Variants in FILIP1 observed in about 807,000 individuals in gnomAD.
FILIP1 encodes filamin A interacting protein 1.
FILIP1 carries 61 observed loss-of-function variants against 102.1 expected under a neutral mutation model. That is an observed-to-expected ratio of 0.60 (90% confidence interval 0.49 to 0.74). The LOEUF (loss-of-function observed/expected upper bound fraction) is 0.74, where lower values mean the gene tolerates loss of function less well. Ranked by LOEUF, FILIP1 falls within the 30% of genes least tolerant of loss-of-function variation. FILIP1 has a pLI of 0.00. For missense variants in FILIP1, 1,314 were observed against 1,441.2 expected (o/e 0.91, Z 1.43); for synonymous variants, 491 against 526.9 (o/e 0.93, Z 0.93).
chr6:75,302,973 A>G (rs1772884625), intron 6 of FILIP1, among the ~76,000 whole-genome samples: 1 of 152,162 alleles, frequency 6.6e-6, no homozygotes, highest in African/African-American at 2.4e-5. Flanking sequence ...AGAGTAACCC[A>G]AATGAAAAGT....
chr6:75,385,542 T>A (rs987730647), intron 2 of FILIP1: 1 of 152,196 alleles, frequency 6.6e-6, no homozygotes, highest in Non-Finnish European at 1.5e-5. Context: ...ACTTAAAATA[T>A]CTGATGCAAT....
intron 2 of FILIP1, among the ~76,000 whole-genome samples, chr6:75,388,189 T>C (rs1256502815): frequency 2.0e-5 from 3 of 152,128 alleles, no homozygotes; most frequent in Non-Finnish European, 4.4e-5. Context: ...GATCAGGTGG[T>C]TGTAGATGTG....
At chr6:75,475,678 T>C (rs1389309059) in intron 1 of FILIP1, among the ~76,000 whole-genome samples, 1 of 152,132 alleles carries the variant, frequency 6.6e-6, no homozygotes. Context: ...AAAAATTATT[T>C]TATGAGCCTC....
intron 2 of FILIP1, among the ~76,000 whole-genome samples, chr6:75,381,209 T>A (rs1278321281): frequency 1.3e-5 from 2 of 151,974 alleles, no homozygotes; most frequent in Non-Finnish European, 2.9e-5. Flanking sequence ...TATATCAGAC[T>A]GGTTTTACTT....
chr6:75,325,775 C>T (rs1773828055), intron 4 of FILIP1, among the ~76,000 whole-genome samples: 2 of 152,150 alleles, frequency 1.3e-5, no homozygotes, highest in Non-Finnish European at 1.5e-5. Context: ...AAAGGGATCA[C>T]ATCATGTGTG....
intron 1 of FILIP1, among the ~76,000 whole-genome samples, chr6:75,456,554 T>G (rs1486306196): frequency 2.0e-5 from 3 of 151,538 alleles, no homozygotes; most frequent in Admixed American, 2.0e-4. Context: ...AAGAGTATTC[T>G]TTTTTCTTTT....
chr6:75,379,954 C>G (rs1336859799), intron 2 of FILIP1, among the ~76,000 whole-genome samples: 1 of 152,198 alleles, frequency 6.6e-6, no homozygotes, highest in Non-Finnish European at 1.5e-5. Flanking sequence ...GTCTCCTCCT[C>G]TAGAATGTAA....
chr6:75,479,492 TTAAA>T (rs1053821542), intron 1 of FILIP1, among the ~76,000 whole-genome samples: 27 of 152,326 alleles, frequency 1.8e-4, no homozygotes, highest in Admixed American at 7.8e-4. Flanking sequence ...ATCAGTAAGG[TTAAA>T]TAGTTTTTCA....
At chr6:75,386,558 T>C (rs991312139) in intron 2 of FILIP1, among the ~76,000 whole-genome samples, 1 of 152,110 alleles carries the variant, frequency 6.6e-6, no homozygotes, top group Admixed American at 6.6e-5. Context: ...GTTTTGGAGA[T>C]AGTGTCACAT....
chr6:75,482,611 C>T (rs75481757), intron 1 of FILIP1, among the ~76,000 whole-genome samples: 1,541 of 152,286 alleles, frequency 0.01, 30 homozygotes, highest in African/African-American at 0.035. Flanking sequence ...AAGTCCAGCT[C>T]CCACTTAGTT....
chr6:75,424,966 A>G (rs1232996365), intron 1 of FILIP1, among the ~76,000 whole-genome samples: 1 of 152,192 alleles, frequency 6.6e-6, no homozygotes, highest in Admixed American at 6.6e-5. Flanking sequence ...AACATAAAAG[A>G]ATAACTTAAA....
At chr6:75,345,203 AT>A (rs1393753297) in intron 4 of FILIP1, among the ~76,000 whole-genome samples, 9 of 151,948 alleles carry the variant, frequency 5.9e-5, no homozygotes, top group South Asian at 2.1e-4. Context: ...CCCTTTCAAC[AT>A]TTTTTTTCTT....
rs768502815 is a variant in FILIP1, at chr6:75,314,102, C to T, written c.1730G>A (p.Gly577Asp). ...NLTRERDELI[G>D]KLKSEEEKSS... Reference sequence around the variant, plus strand: ...TTTTTCTTCTTCACTTTTCAATTTGCCTATCAACTCATCTCTTTCTCTTGT... The same window carrying T: ...TTTTTCTTCTTCACTTTTCAATTTGTCTATCAACTCATCTCTTTCTCTTGT... The change falls in exon 5 of 6, where the codon GGC becomes GAC. Residue 577 changes from glycine (G) to aspartate (D), a missense_variant. This residue lies in a region of FILIP1 where 816 missense variants were observed against 913.1 expected (regional missense o/e 0.89). Transcript: ENST00000237172. 1.3e-6 allele frequency: 2 copies of T among 1,505,312 alleles called. No homozygotes were observed. Among genetic ancestry groups the T allele is most frequent in the African/African-American group, 1.4e-5 (1 of 70,186 alleles). 93.2% of individuals were successfully genotyped at this position (1,505,312 alleles called of 1,614,324 possible). A position where few individuals can be genotyped will look rare whatever the true frequency, so the allele number is the denominator to read the frequency against.
chr6:75,348,877 ATAT>A (rs1774685781), intron 4 of FILIP1, among the ~76,000 whole-genome samples: 1 of 152,182 alleles, frequency 6.6e-6, no homozygotes, highest in African/African-American at 2.4e-5. Flanking sequence ...GCTGGTCCTA[ATAT>A]CTCTGTGCTT....
At position 75,436,399 on chromosome 6, in the gene FILIP1, A is replaced by G. The variant is rs140623718; in HGVS notation, c.-6-21421T>C. On this transcript the variant is annotated intron_variant, in intron 1 of 5. Transcript: ENST00000237172. The stretch of plus-strand genomic sequence containing the variant: ...AAAAAAAAGAAGACACTTCTGCAAA[A>G]AGCTTCCATTGTAAAACTGTATGCA... 6.6e-5 allele frequency among the ~76,000 whole-genome samples: 10 copies of G among 152,178 alleles called. No homozygotes were observed. The East Asian group carries it at 1.9e-3, about 29-fold the overall frequency.
chr6:75,325,412 ACT>A (rs1315517326), intron 4 of FILIP1, among the ~76,000 whole-genome samples: 1 of 152,194 alleles, frequency 6.6e-6, no homozygotes, highest in Non-Finnish European at 1.5e-5. Context: ...ACAGAGCGAG[ACT>A]CTGTCTCAAA....
chr6:75,473,869 A>G (rs1015431937), intron 1 of FILIP1: 1 of 152,186 alleles, frequency 6.6e-6, no homozygotes, highest in Admixed American at 6.6e-5. Context: ...AACCACCTTC[A>G]TGATCATGGT....
chr6:75,308,387 C>A lies in FILIP1; in HGVS notation c.*304G>T. On this transcript the variant is annotated 3_prime_UTR_variant, in exon 6 of 6. Transcript: ENST00000237172. ...TGAAGAGCGTGTGATTGAGTCCCCA[C>A]ATCTAACTGATGAGGAAACAGGCTC... 9.0e-7 allele frequency: 1 copy of A among 1,116,660 alleles called. No homozygotes were observed. The highest frequency in any genetic ancestry group is 1.1e-6 in the Non-Finnish European group (1 of 894,110). 69.2% of individuals were successfully genotyped at this position (1,116,660 alleles called of 1,614,324 possible).
At chr6:75,327,554 A>G (rs1371741198) in intron 4 of FILIP1, among the ~76,000 whole-genome samples, 1 of 140,636 alleles carries the variant, frequency 7.1e-6, no homozygotes, top group Non-Finnish European at 1.5e-5. Flanking sequence ...ATATGAATAT[A>G]TATATATAAG....
Sources: allele counts gnomAD v4.1 joint callset (sites outside exome capture counted in the v4.1 genomes callset), GRCh38; gene constraint gnomAD v4.1.1; regional missense constraint gnomAD v4.1.1; transcripts MANE v1.5; gene names NCBI Gene and HGNC (gene_info 2026-07-23, HGNC 2026-07-21).